RNF141: variants seen among roughly 807,000 people sequenced by gnomAD.
RNF141 encodes ring finger protein 141.
In RNF141, 18 loss-of-function variants were observed where a neutral mutation model predicts 27.4. The ratio of observed to expected loss-of-function variants is 0.66; its 90% confidence interval spans 0.45 to 0.97. RNF141 has a LOEUF of 0.97. Ranked by LOEUF, RNF141 falls within the 50% of genes least tolerant of loss-of-function variation. The probability of loss-of-function intolerance (pLI) is 0.00; values close to 1 mark genes in which losing one functional copy is unlikely to be tolerated. For synonymous variants in RNF141, 97 were observed against 96.6 expected (o/e 1.00, Z -0.02); for missense variants, 230 against 279.4 (o/e 0.82, Z 1.26).
In RNF141 at chr11:10,519,033, C is replaced by G. The variant is rs1167145512; in HGVS notation, c.542+1G>C. ...GCCCATGAATGCAGTAGGTAACTTA[C>G]CATTTATCAATACACTTCTGACAAA... On this transcript the variant is annotated splice_donor_variant, in intron 5 of 5. Coordinates refer to ENST00000265981, the MANE Select transcript of RNF141 (RefSeq NM_016422.4). LOFTEE classifies it high-confidence loss of function. 2.5e-6 allele frequency: 4 copies of G among 1,612,798 alleles called. No homozygotes were observed. The highest frequency in any genetic ancestry group is 8.5e-7 in the Non-Finnish European group (1 of 1,179,030).
At chr11:10,524,724 C>CT (rs986942801) in intron 4 of RNF141, among the ~76,000 whole-genome samples, 3 of 152,270 alleles carry the variant, frequency 2.0e-5, no homozygotes, top group Admixed American at 6.5e-5. Flanking sequence ...CTTCTGGTAA[C>CT]TAAGTATATG....
At chr11:10,539,407 C>A (rs1175693353) in intron 1 of RNF141, among the ~76,000 whole-genome samples, 1 of 151,778 alleles carries the variant, frequency 6.6e-6, no homozygotes. Context: ...TTTGTATCAA[C>A]CTCACCTAAA....
At chr11:10,531,970 A>G (rs1269181042) in intron 2 of RNF141, 2 of 451,944 alleles carry the variant, frequency 4.4e-6, no homozygotes, top group Admixed American at 4.8e-5. Context: ...ATTCTGACCC[A>G]TGGAAATTGG....
chr11:10,541,149 C>G lies in RNF141; in HGVS notation c.-75G>C, dbSNP rs1259065815. On this transcript the variant is annotated 5_prime_UTR_variant, in exon 1 of 6. Transcript: ENST00000265981. Reference sequence around the variant, plus strand: ...CAGGTTCAAGGCATCGCGCACCCTGCGGCAGCGGCTGCGCTGCCTCAGCCC... The same window carrying G: ...CAGGTTCAAGGCATCGCGCACCCTGGGGCAGCGGCTGCGCTGCCTCAGCCC... 1 of 152,380 alleles carries G rather than the reference C, an allele frequency of 6.6e-6. No homozygotes were observed. The allele number at this position is 152,380 out of a possible 1,614,324, so 9.4% of individuals were successfully genotyped here. A position where few individuals can be genotyped will look rare whatever the true frequency, so the allele number is the denominator to read the frequency against.
chr11:10,536,041 G>A (rs1460039537), intron 1 of RNF141, among the ~76,000 whole-genome samples: 1 of 152,192 alleles, frequency 6.6e-6, no homozygotes, highest in African/African-American at 2.4e-5. Context: ...ATCCAATACA[G>A]TGGAGAAGAG....
chr11:10,533,399 TAGTC>T (rs1564869009), intron 2 of RNF141, among the ~76,000 whole-genome samples: 1 of 152,076 alleles, frequency 6.6e-6, no homozygotes, highest in Admixed American at 6.6e-5. Context: ...TTTAGAAATT[TAGTC>T]AAAGAGTTAA....
chr11:10,540,666 T>C (rs1850090276), intron 1 of RNF141: 1 of 152,278 alleles, frequency 6.6e-6, no homozygotes, highest in Non-Finnish European at 1.5e-5. Flanking sequence ...GTTTCTTATT[T>C]GGGTGTCCAG....
intron 1 of RNF141, among the ~76,000 whole-genome samples, chr11:10,537,301 C>A (rs1850046115): frequency 6.6e-6 from 1 of 152,104 alleles, no homozygotes; most frequent in Non-Finnish European, 1.5e-5. Flanking sequence ...GAGTAGGTGA[C>A]CTTTAACCTA....
At chr11:10,533,919 A>G (rs943590333) in intron 2 of RNF141, 97 bp downstream of exon 2, 2 of 1,091,468 alleles carry the variant, frequency 1.8e-6, no homozygotes, top group African/African-American at 3.2e-5. Context: ...ATTAAGTCTT[A>G]CCAATCAACA....
intron 3 of RNF141, among the ~76,000 whole-genome samples, chr11:10,530,195 T>C (rs1849973226): frequency 6.6e-6 from 1 of 152,160 alleles, no homozygotes; most frequent in African/African-American, 2.4e-5. Context: ...TGGCAAAAAA[T>C]CTATCCCATA....
chr11:10,530,720 G>A lies in RNF141; in HGVS notation c.175C>T (p.His59Tyr). The A allele has an allele frequency of 6.2e-7, 1 of 1,608,366 alleles. No homozygotes were observed. Among genetic ancestry groups the A allele is most frequent in the South Asian group, 1.1e-5 (1 of 90,402 alleles). The stretch of plus-strand genomic sequence containing the variant: ...CCAGGTTGTACCTCAAAGAGAAGAT[G>A]TTTTTCCTGGCCAGAAGCCACTTTA... ...TAKVASGQEK[H>Y]LLFEVQPGSD... Residue 59 changes from histidine to tyrosine, a missense_variant, in exon 3 of 6, where the codon CAT becomes TAT. Physicochemically the swap from His to Tyr is moderately conservative, Grantham distance 83 (BLOSUM62 2). Coordinates refer to ENST00000265981, the MANE Select transcript of RNF141 (RefSeq NM_016422.4).
intron 4 of RNF141, among the ~76,000 whole-genome samples, chr11:10,521,258 A>C (rs116474289): frequency 3.0e-3 from 459 of 152,338 alleles, no homozygotes; most frequent in African/African-American, 0.01. Flanking sequence ...TGCTCTCAAA[A>C]TCAACACTTG....
chr11:10,522,173 G>A (rs1016011951), intron 4 of RNF141, among the ~76,000 whole-genome samples: 3 of 152,202 alleles, frequency 2.0e-5, no homozygotes, highest in Non-Finnish European at 4.4e-5. Context: ...GAATTGGAAT[G>A]GGAAAACTGA....
chr11:10,529,982 G>C (rs537593037), intron 3 of RNF141, among the ~76,000 whole-genome samples: 32 of 152,308 alleles, frequency 2.1e-4, no homozygotes, highest in South Asian at 2.1e-3. Flanking sequence ...ATGAACTTCA[G>C]AGCGCTCATG....
At chr11:10,527,937 A>G (rs187487365) in intron 3 of RNF141, among the ~76,000 whole-genome samples, 2 of 152,332 alleles carry the variant, frequency 1.3e-5, no homozygotes, top group Admixed American at 1.3e-4. Flanking sequence ...TGAGAGACAA[A>G]GAAAAGCCAA....
At chr11:10,534,235 C>A in intron 1 of RNF141, 30 bp from the exon 2 acceptor site, 4 of 1,480,280 alleles carry the variant, frequency 2.7e-6, no homozygotes, top group Non-Finnish European at 2.7e-6. Context: ...GTTACTTTTA[C>A]ATATTATACA....
At position 10,514,777 on chromosome 11, in the gene RNF141, C is replaced by A. The variant is rs181825755; in HGVS notation, c.*139G>T. ...GGGAAGTTTATTTTTAAAAGGGGGA[C>A]AAATGATCAGAATAGCAAAAATAAA... On this transcript the variant is annotated 3_prime_UTR_variant, in exon 6 of 6. Transcript: ENST00000265981. 1,944 of 727,262 alleles carry A rather than the reference C, an allele frequency of 2.7e-3. 5 individuals are homozygous for A. Among genetic ancestry groups the A allele is most frequent in the Admixed American group, 3.6e-3 (90 of 25,284 alleles). The allele number at this position is 727,262 out of a possible 1,614,324, so 45.1% of individuals were successfully genotyped here.
rs1054992703 is a variant in RNF141, at chr11:10,511,736, A to G, written c.*3180T>C. The G allele has an allele frequency of 6.6e-6, 1 of 152,356 alleles. No homozygotes were observed. Among genetic ancestry groups the G allele is most frequent in the Non-Finnish European group, 1.5e-5 (1 of 68,044 alleles). The allele number at this position is 152,356 out of a possible 1,614,324, so 9.4% of individuals were successfully genotyped here. The stretch of plus-strand genomic sequence containing the variant: ...GTTAAAAATCACTGAATCAAAAGAT[A>G]TTTTCAAGCAGCCTTTTCTCCCAGA... On this transcript the variant is annotated 3_prime_UTR_variant, in exon 6 of 6. Coordinates refer to ENST00000265981, the MANE Select transcript of RNF141 (RefSeq NM_016422.4).
At position 10,514,764 on chromosome 11, in the gene RNF141, T is replaced by C. The variant is rs1849830342; in HGVS notation, c.*152A>G. 5 of 665,886 alleles carry C rather than the reference T, an allele frequency of 7.5e-6. No homozygotes were observed. The African/African-American group carries it at 7.5e-5, about 10-fold the overall frequency. The allele number at this position is 665,886 out of a possible 1,614,324, so 41.2% of individuals were successfully genotyped here. On this transcript the variant is annotated 3_prime_UTR_variant, in exon 6 of 6. Coordinates refer to ENST00000265981, the MANE Select transcript of RNF141 (RefSeq NM_016422.4). ...AAATGGAAGACATGGGAAGTTTATT[T>C]TTAAAAGGGGGACAAATGATCAGAA... is the stretch of plus-strand genomic sequence containing the variant.
Sources: gnomAD v4.1 joint callset for allele counts (sites outside exome capture counted in the v4.1 genomes callset) on GRCh38, gnomAD v4.1.1 for gene constraint, MANE v1.5 for transcripts, NCBI Gene and HGNC (gene_info 2026-07-23, HGNC 2026-07-21) for gene names.